Variants in SH3GL2 observed in about 807,000 individuals in gnomAD.
SH3GL2 encodes SH3 domain containing GRB2 like 2, endophilin A1.
Under a neutral mutation model 46.0 loss-of-function variants are expected in SH3GL2, and 24 were observed. That is an observed-to-expected ratio of 0.52 (90% CI 0.38 to 0.73). SH3GL2 has a LOEUF of 0.73. Among genes scored for constraint, SH3GL2 ranks in the 30% least tolerant of loss-of-function variants. The pLI is 0.00. For synonymous variants in SH3GL2, 196 were observed against 147.1 expected (o/e 1.33, Z -2.40); for missense variants, 413 against 424.2 (o/e 0.97, Z 0.23).
intron 5 of SH3GL2, among the ~76,000 whole-genome samples, 157 bp from the exon 6 acceptor site, chr9:17,789,235 C>G (rs553792982): frequency 5.3e-5 from 8 of 152,018 alleles, no homozygotes; most frequent in African/African-American, 1.9e-4. Flanking sequence ...AAGCACTGGC[C>G]CCATTGATGC....
At chr9:17,600,184 G>A (rs1216400241) in intron 1 of SH3GL2, among the ~76,000 whole-genome samples, 1 of 152,088 alleles carries the variant, frequency 6.6e-6, no homozygotes, top group African/African-American at 2.4e-5. Flanking sequence ...ATGAACGCTG[G>A]AGTTTATTCT....
chr9:17,751,440 A>C (rs1271863196), intron 2 of SH3GL2, among the ~76,000 whole-genome samples: 3 of 151,416 alleles, frequency 2.0e-5, no homozygotes, highest in African/African-American at 7.3e-5. Context: ...ACTTTTGGCT[A>C]TCAAAGCTGG....
chr9:17,683,459 A>G (rs960058140), intron 1 of SH3GL2, among the ~76,000 whole-genome samples: 3 of 152,058 alleles, frequency 2.0e-5, no homozygotes, highest in Non-Finnish European at 2.9e-5. Context: ...GTGGAGACCT[A>G]TTTCAGCTAG....
intron 1 of SH3GL2, among the ~76,000 whole-genome samples, chr9:17,651,946 C>T (rs562248187): frequency 1.3e-5 from 2 of 152,148 alleles, no homozygotes; most frequent in Non-Finnish European, 2.9e-5. Context: ...TGCCTCCTCT[C>T]TCTTGTCAGT....
chr9:17,771,156 C>T (rs1216303899), intron 3 of SH3GL2, among the ~76,000 whole-genome samples: 1 of 152,118 alleles, frequency 6.6e-6, no homozygotes, highest in Non-Finnish European at 1.5e-5. Flanking sequence ...AGGCTATTTG[C>T]CCTGTGGCTT....
intron 1 of SH3GL2, among the ~76,000 whole-genome samples, chr9:17,685,605 A>C (rs956605050): frequency 6.6e-6 from 1 of 152,076 alleles, no homozygotes; most frequent in Non-Finnish European, 1.5e-5. Flanking sequence ...TCTTTAATCC[A>C]TCTTGAATTG....
intron 1 of SH3GL2, among the ~76,000 whole-genome samples, chr9:17,669,423 A>G (rs1001189166): frequency 1.3e-5 from 2 of 152,106 alleles, no homozygotes; most frequent in African/African-American, 2.4e-5. Context: ...AACCGTACCC[A>G]CTTCCTCTTT....
chr9:17,637,937 A>G (rs1306237140), intron 1 of SH3GL2, among the ~76,000 whole-genome samples: 1 of 152,102 alleles, frequency 6.6e-6, no homozygotes, highest in Non-Finnish European at 1.5e-5. Flanking sequence ...CGGGCGGATC[A>G]CGAGGTCAGG....
intron 1 of SH3GL2, among the ~76,000 whole-genome samples, chr9:17,715,944 G>T (rs1395631845): frequency 6.6e-6 from 1 of 152,046 alleles, no homozygotes; most frequent in Non-Finnish European, 1.5e-5. Context: ...AAAGTGAAAA[G>T]AAGATTGGTT....
chr9:17,782,530 C>T (rs528770470), intron 3 of SH3GL2, among the ~76,000 whole-genome samples: 1 of 152,220 alleles, frequency 6.6e-6, no homozygotes, highest in South Asian at 2.1e-4. Context: ...TGAAAAGACT[C>T]AGTGGTAGCC....
chr9:17,601,108 C>A (rs1215262198), intron 1 of SH3GL2, among the ~76,000 whole-genome samples: 1 of 152,148 alleles, frequency 6.6e-6, no homozygotes, highest in African/African-American at 2.4e-5. Flanking sequence ...GGTGGTGTTT[C>A]TACAGCTTTT....
At chr9:17,735,766 TC>T (rs1822316409) in intron 1 of SH3GL2, 5 of 980,448 alleles carry the variant, frequency 5.1e-6, no homozygotes, top group Non-Finnish European at 6.1e-6. Context: ...GGCAGCTCTT[TC>T]CACACATGGA....
intron 1 of SH3GL2, among the ~76,000 whole-genome samples, chr9:17,717,312 C>T (rs1201603320): frequency 2.0e-5 from 3 of 152,216 alleles, no homozygotes; most frequent in East Asian, 3.9e-4. Flanking sequence ...TCTCATCATT[C>T]GAAACATCTT....
At chr9:17,742,585 T>A (rs1439477098) in intron 1 of SH3GL2, among the ~76,000 whole-genome samples, 1 of 152,214 alleles carries the variant, frequency 6.6e-6, no homozygotes, top group African/African-American at 2.4e-5. Flanking sequence ...ATGCTACCTC[T>A]AAGTCATCTT....
chr9:17,653,013 G>A (rs1029683351), intron 1 of SH3GL2, among the ~76,000 whole-genome samples: 20 of 151,952 alleles, frequency 1.3e-4, no homozygotes, highest in African/African-American at 3.9e-4. Flanking sequence ...GCTTCATGGG[G>A]TTTCTTCCAT....
chr9:17,784,879 A>T (rs147837181), intron 3 of SH3GL2, among the ~76,000 whole-genome samples: 5 of 152,196 alleles, frequency 3.3e-5, no homozygotes, highest in African/African-American at 1.2e-4. Flanking sequence ...TGCCCTGCTA[A>T]CTTTTAAATT....
chr9:17,773,865 G>A (rs1013739874), intron 3 of SH3GL2, among the ~76,000 whole-genome samples: 2 of 152,010 alleles, frequency 1.3e-5, no homozygotes, highest in African/African-American at 4.8e-5. Flanking sequence ...GGATTGCATT[G>A]AATCTTTAGA....
chr9:17,627,602 T>A (rs924629738), intron 1 of SH3GL2, among the ~76,000 whole-genome samples: 1 of 152,234 alleles, frequency 6.6e-6, no homozygotes, highest in South Asian at 2.1e-4. Context: ...TCTGAGAGTA[T>A]AATTTCTATG....
chr9:17,792,911 T>C (rs951339021), intron 7 of SH3GL2, among the ~76,000 whole-genome samples: 7 of 152,308 alleles, frequency 4.6e-5, no homozygotes, highest in East Asian at 1.9e-4. Context: ...TTTTTTAAAA[T>C]TGAAAAAATT....
Sources: allele counts gnomAD v4.1 joint callset (sites outside exome capture counted in the v4.1 genomes callset), GRCh38; gene constraint gnomAD v4.1.1; transcripts MANE v1.5; gene names NCBI Gene and HGNC (gene_info 2026-07-23, HGNC 2026-07-21).